Variants in SLC44A3 observed in about 807,000 individuals in gnomAD.
SLC44A3 encodes choline transporter-like protein 3.
A neutral mutation model predicts 75.4 loss-of-function variants in SLC44A3; 74 were observed. The observed-to-expected ratio is 0.98, with a 90% CI of 0.81 to 1.19. The LOEUF (loss-of-function observed/expected upper bound fraction) is 1.19, where lower values mean the gene tolerates loss of function less well. Among genes scored for constraint, SLC44A3 ranks in the 50% most tolerant of loss-of-function variants. SLC44A3 has a pLI of 0.00. For synonymous variants in SLC44A3, 310 were observed against 296.9 expected, an observed-to-expected ratio of 1.04 and a Z score of -0.45; for missense variants, 700 against 778.6, an observed-to-expected ratio of 0.90 and a Z score of 1.20.
At chr1:94,876,094 C>T (rs1175480992) in intron 12 of SLC44A3, among the ~76,000 whole-genome samples, 1 of 152,198 alleles carries the variant, frequency 6.6e-6, no homozygotes, top group Non-Finnish European at 1.5e-5. Context: ...GTGCAGTGGA[C>T]ACCACGCTGC....
chr1:94,863,241 C>T (rs1228120350), intron 10 of SLC44A3, among the ~76,000 whole-genome samples: 1 of 152,128 alleles, frequency 6.6e-6, no homozygotes, highest in East Asian at 1.9e-4. Context: ...GCAGAGCCTC[C>T]AGCCATAACC....
intron 12 of SLC44A3, among the ~76,000 whole-genome samples, chr1:94,869,597 G>T (rs964408088): frequency 1.3e-5 from 2 of 152,158 alleles, no homozygotes; most frequent in African/African-American, 4.8e-5. Flanking sequence ...GAATTGATGT[G>T]AATATTAATG....
In SLC44A3 at chr1:94,820,427, ACCGG is replaced by A. The variant is rs1440533592; in HGVS notation, c.-22_-19del. ...CAGGAGGCGGCGGCGGCTCCCAGTC[ACCGG>A]CCCCCGCCGGCGAGCGCACGATGCA... On this transcript the variant is annotated 5_prime_UTR_variant, in exon 1 of 15. Transcript: ENST00000271227. 61 of 1,450,702 alleles carry A rather than the reference ACCGG, an allele frequency of 4.2e-5. No individual in the cohort carries two copies. In the African/African-American group the frequency reaches 6.1e-4, roughly 14 times the overall value. The allele number at this position is 1,450,702 out of a possible 1,614,324, so 89.9% of individuals were successfully genotyped here.
At chr1:94,874,554 G>A (rs144787879) in intron 12 of SLC44A3, among the ~76,000 whole-genome samples, 140 of 152,332 alleles carry the variant, frequency 9.2e-4, no homozygotes, top group African/African-American at 3.2e-3. Context: ...GAGAAAGGGA[G>A]GGAAAGTTAT....
chr1:94,849,134 G>T (rs1173665106), intron 9 of SLC44A3, among the ~76,000 whole-genome samples: 2 of 152,116 alleles, frequency 1.3e-5, no homozygotes, highest in African/African-American at 4.8e-5. Flanking sequence ...AGACCTGGAG[G>T]TTATTCTTCA....
At position 94,847,387 on chromosome 1, in the gene SLC44A3, C is replaced by T. The variant is rs148938299; in HGVS notation, c.1072+1923C>T. Among the ~76,000 whole-genome samples the T allele has an allele frequency of 4.2e-3, 635 of 152,286 alleles. 2 individuals carry two copies. Among genetic ancestry groups the T allele is most frequent in the African/African-American group, 0.014 (601 of 41,560 alleles). On this transcript the variant is annotated intron_variant, in intron 9 of 14. Transcript: ENST00000271227. ...GTGGCAGGGAGGAAAGCGAGCATGC[C>T]CCTCCCAGAAGTCACAGGTGGCGCT...
At chr1:94,858,521 A>T (rs1282226842) in intron 10 of SLC44A3, among the ~76,000 whole-genome samples, 1 of 152,188 alleles carries the variant, frequency 6.6e-6, no homozygotes, top group Admixed American at 6.5e-5. Context: ...GACTGGGCTC[A>T]GAAAGAGAAG....
intron 1 of SLC44A3, 61 bp downstream of exon 1, chr1:94,820,539 C>A: frequency 6.9e-7 from 1 of 1,456,540 alleles, no homozygotes; most frequent in Admixed American, 2.4e-5. Context: ...GAGTCCCCCG[C>A]CTTCACGCAC....
intron 10 of SLC44A3, 68 bp downstream of exon 10, chr1:94,857,568 T>TTTTGAGATATTAA: frequency 7.0e-7 from 1 of 1,432,060 alleles, no homozygotes; most frequent in Non-Finnish European, 9.3e-7. Flanking sequence ...TGTTAATATC[T>TTTTGAGATATTAA]CAAAAGATAT....
chr1:94,826,831 A>C (rs11165253), intron 3 of SLC44A3, among the ~76,000 whole-genome samples: 6 of 151,994 alleles, frequency 3.9e-5, no homozygotes, highest in Non-Finnish European at 8.8e-5. Flanking sequence ...CTCTCCCATA[A>C]AGGGCAGCCT....
chr1:94,882,384 T>G (rs1669100306), intron 12 of SLC44A3, among the ~76,000 whole-genome samples: 1 of 152,162 alleles, frequency 6.6e-6, no homozygotes, highest in African/African-American at 2.4e-5. Context: ...ATCTATGTCA[T>G]CTTCCTTCTG....
intron 1 of SLC44A3, 174 bp downstream of exon 1, chr1:94,820,652 T>G: frequency 7.2e-7 from 1 of 1,385,360 alleles, no homozygotes; most frequent in Non-Finnish European, 9.3e-7. Flanking sequence ...CCTGCTCCAG[T>G]GCTGGGGCGG....
At chr1:94,823,766 A>G (rs746771641) in intron 2 of SLC44A3, among the ~76,000 whole-genome samples, 19 of 152,212 alleles carry the variant, frequency 1.2e-4, no homozygotes, top group Non-Finnish European at 2.6e-4. Context: ...TATATTGCAT[A>G]CAGTACTGGG....
intron 10 of SLC44A3, 106 bp from the exon 11 acceptor site, chr1:94,864,637 T>G: frequency 8.4e-7 from 1 of 1,191,052 alleles, no homozygotes; most frequent in Non-Finnish European, 1.2e-6. Context: ...ATGCTTATTA[T>G]GTCACAACTT....
rs751118300 is a variant in SLC44A3 at position 94,891,146 on chromosome 1, C to T, written c.1499C>T (p.Thr500Ile). 6.2e-7 allele frequency: 1 copy of T among 1,607,946 alleles called. No homozygotes were observed. The highest frequency in any genetic ancestry group is 8.5e-7 in the Non-Finnish European group (1 of 1,178,194). ...LHLNQNAYTT[T>I]AINGTDFCTS... is the part of the protein sequence containing the mutation. ...CTGTTTCAGAATGCATATACTACAACTGCTATTAATGGGACAGATTTCTGT... is the reference window on the plus strand; with the variant it reads ...CTGTTTCAGAATGCATATACTACAATTGCTATTAATGGGACAGATTTCTGT... Residue 500 changes from threonine to isoleucine, a missense_variant, in exon 13 of 15, where the codon ACT (threonine) becomes ATT (isoleucine). Thr to Ile is a moderately conservative substitution (Grantham distance 89). Transcript: ENST00000271227.
rs751436787 is a variant in SLC44A3, at chr1:94,820,472, G to A, written c.21G>A (p.Glu7=). The A allele has an allele frequency of 1.3e-6, 2 of 1,496,968 alleles. No homozygotes were observed. The highest frequency in any genetic ancestry group is 2.1e-5 in the Admixed American group (1 of 47,582). The allele number at this position is 1,496,968 out of a possible 1,614,324, so 92.7% of individuals were successfully genotyped here. A position where few individuals can be genotyped will look rare whatever the true frequency, so the allele number is the denominator to read the frequency against. ...GCACGATGCACTGCCTGGGCGCCGA[G>A]TACCTGGTAAGCGCTCGCAGCCTCG... MHCLGA[E]YLVSAEGAPR... is the part of the protein sequence containing the mutation. Residue 7 remains glutamate (E), a synonymous_variant, in exon 1 of 15, where the codon GAG becomes GAA. Transcript: ENST00000271227.
intron 12 of SLC44A3, among the ~76,000 whole-genome samples, chr1:94,874,214 G>C (rs986250094): frequency 6.6e-6 from 1 of 152,216 alleles, no homozygotes; most frequent in African/African-American, 2.4e-5. Context: ...GAGGCCCCAG[G>C]CTGTCTGGGA....
intron 8 of SLC44A3, among the ~76,000 whole-genome samples, chr1:94,844,761 A>G (rs1664176026): frequency 6.6e-6 from 1 of 152,208 alleles, no homozygotes; most frequent in Admixed American, 6.5e-5. Context: ...TCGGCCATGA[A>G]AACAGTAAGA....
intron 2 of SLC44A3, among the ~76,000 whole-genome samples, chr1:94,822,722 G>A (rs1204780612): frequency 6.6e-6 from 1 of 152,156 alleles, no homozygotes; most frequent in African/African-American, 2.4e-5. Flanking sequence ...TACCCCTCCA[G>A]TATCCTCTCC....
Sources: allele counts gnomAD v4.1 joint callset (sites outside exome capture counted in the v4.1 genomes callset), GRCh38; gene constraint gnomAD v4.1.1; transcripts MANE v1.5; gene names NCBI Gene and HGNC (gene_info 2026-07-23, HGNC 2026-07-21).